Variants in ALG9 observed in about 807,000 individuals in gnomAD.
ALG9 encodes alpha-1,2-mannosyltransferase ALG9.
Under a neutral mutation model 81.8 loss-of-function variants are expected in ALG9, and 55 were observed. That is an observed-to-expected ratio of 0.67 (90% CI 0.54 to 0.84). The LOEUF is 0.84. Among genes scored for constraint, ALG9 ranks in the 40% least tolerant of loss-of-function variants. The probability of loss-of-function intolerance (pLI) is 0.00; values close to 1 mark genes in which losing one functional copy is unlikely to be tolerated. For missense variants in ALG9, 629 were observed against 745.0 expected (o/e 0.84, Z 1.81); for synonymous variants, 278 against 274.3 (o/e 1.01, Z -0.13).
the ALG9 span, among the ~76,000 whole-genome samples, chr11:111,771,999 A>C: frequency 6.6e-6 from 1 of 152,214 alleles, no homozygotes; most frequent in Non-Finnish European, 1.5e-5. Context: ...CAGAACTCAT[A>C]ATCAGGGATT....
chr11:111,864,751 G>C (rs553356011), intron 4 of ALG9, among the ~76,000 whole-genome samples: 75 of 151,872 alleles, frequency 4.9e-4, no homozygotes, highest in Admixed American at 1.0e-3. Context: ...TATATATCAG[G>C]AGCTAGGAGG....
At chr11:111,820,977 T>C (rs1266377658) in intron 13 of ALG9, among the ~76,000 whole-genome samples, 2 of 151,614 alleles carry the variant, frequency 1.3e-5, no homozygotes, top group Admixed American at 6.6e-5. Context: ...GCACCTGTAA[T>C]CCTCATTACT....
At position 111,853,571 on chromosome 11, in the gene ALG9, C is replaced by T. The variant is rs372169119; in HGVS notation, c.789+78G>A. On this transcript the variant is annotated intron_variant, in intron 7 of 14. Coordinates refer to ENST00000616540, the MANE Select transcript of ALG9 (RefSeq NM_024740.2). Reference sequence around the variant, plus strand: ...ACCTGAGAATGAAAAACAGAATAAACTCCTGATGTTCCTTTTTTCACATCA... The same window carrying T: ...ACCTGAGAATGAAAAACAGAATAAATTCCTGATGTTCCTTTTTTCACATCA... 1.7e-5 allele frequency: 27 copies of T among 1,563,372 alleles called. No individual in the cohort carries two copies. In the African/African-American group the frequency reaches 3.4e-4, roughly 20 times the overall value.
At position 111,785,828 on chromosome 11, in the gene ALG9, G is replaced by A; in HGVS notation, c.*569C>T. The A allele has an allele frequency of 2.8e-6, 1 of 353,538 alleles. No individual in the cohort carries two copies. Among genetic ancestry groups the A allele is most frequent in the Non-Finnish European group, 5.5e-6 (1 of 180,254 alleles). The allele number at this position is 353,538 out of a possible 1,614,324, so 21.9% of individuals were successfully genotyped here. A position where few individuals can be genotyped will look rare whatever the true frequency, so the allele number is the denominator to read the frequency against. On this transcript the variant is annotated 3_prime_UTR_variant, in exon 15 of 15. Transcript: ENST00000616540. ...AGCTCCAGGACAGGGTCCTAGTCCT[G>A]TGAAGTGCTTTAAAGAAGCTTAGTC...
chr11:111,816,384 C>T (rs1951476325), intron 13 of ALG9, among the ~76,000 whole-genome samples: 1 of 152,162 alleles, frequency 6.6e-6, no homozygotes, highest in African/African-American at 2.4e-5. Context: ...GTAGTTGGCA[C>T]TACGGGCATG....
intron 14 of ALG9, among the ~76,000 whole-genome samples, chr11:111,787,547 C>T (rs1229389271): frequency 6.6e-6 from 1 of 151,958 alleles, no homozygotes; most frequent in Non-Finnish European, 1.5e-5. Flanking sequence ...AGCTCTGCCT[C>T]CCGGGTTCAC....
chr11:111,841,625 G>A (rs1359161628), intron 9 of ALG9, among the ~76,000 whole-genome samples: 12 of 152,176 alleles, frequency 7.9e-5, no homozygotes, highest in African/African-American at 2.7e-4. Flanking sequence ...CGCAAATGCG[G>A]GCAAATGGTA....
chr11:111,856,375 G>A (rs1420698603), intron 6 of ALG9, among the ~76,000 whole-genome samples: 2 of 150,240 alleles, frequency 1.3e-5, no homozygotes, highest in Admixed American at 6.6e-5. Flanking sequence ...AAGGCAATAA[G>A]TAAATCATGG....
At chr11:111,772,608 G>A in the ALG9 span, among the ~76,000 whole-genome samples, 1 of 152,174 alleles carries the variant, frequency 6.6e-6, no homozygotes, top group African/African-American at 2.4e-5. Context: ...GGGCTGTTGA[G>A]CTTACCTCAT....
At chr11:111,779,418 A>G (rs1945804776), downstream of ALG9, among the ~76,000 whole-genome samples, 1 of 152,162 alleles carries the variant, frequency 6.6e-6, no homozygotes, top group South Asian at 2.1e-4. Flanking sequence ...AACCCTTGTC[A>G]GAGGAAGTTT....
chr11:111,854,020 A>G (rs1592310729), intron 6 of ALG9, among the ~76,000 whole-genome samples: 2 of 150,334 alleles, frequency 1.3e-5, no homozygotes, highest in Admixed American at 1.3e-4. Context: ...TCTTACACCC[A>G]CCCTGCCAAA....
At chr11:111,771,689 A>C in the ALG9 span, among the ~76,000 whole-genome samples, 4 of 152,212 alleles carry the variant, frequency 2.6e-5, no homozygotes, top group African/African-American at 9.6e-5. Flanking sequence ...AGCATTTTCC[A>C]ACTGTCTTCA....
At chr11:111,773,434 G>A in the ALG9 span, among the ~76,000 whole-genome samples, 6 of 151,806 alleles carry the variant, frequency 4.0e-5, no homozygotes, top group African/African-American at 7.3e-5. Context: ...TAGTAGAGAC[G>A]GGGTTTCACC....
At chr11:111,863,390 G>A (rs1289718634) in intron 4 of ALG9, among the ~76,000 whole-genome samples, 1 of 152,082 alleles carries the variant, frequency 6.6e-6, no homozygotes, top group Non-Finnish European at 1.5e-5. Flanking sequence ...TAAATTCTCA[G>A]CTTAGGGCTT....
intron 5 of ALG9, chr11:111,858,062 G>A (rs573092222): frequency 1.5e-4 from 51 of 349,726 alleles, no homozygotes; most frequent in African/African-American, 3.6e-4. Context: ...TGAGCCTACC[G>A]AGTAGCTGGG....
At chr11:111,789,901 A>G (rs987923262) in intron 14 of ALG9, among the ~76,000 whole-genome samples, 1 of 151,946 alleles carries the variant, frequency 6.6e-6, no homozygotes, top group Non-Finnish European at 1.5e-5. Context: ...TTTTCCTGGT[A>G]GGCTGATAGA....
In ALG9 at chr11:111,784,826, C is replaced by T. The variant is rs1946303081; in HGVS notation, c.*1571G>A. The T allele has an allele frequency of 1.3e-5, 2 of 152,018 alleles. No individual in the cohort carries two copies. The highest frequency in any genetic ancestry group is 4.8e-5 in the African/African-American group (2 of 41,384). 9.4% of individuals were successfully genotyped at this position (152,018 alleles called of 1,614,324 possible). On this transcript the variant is annotated 3_prime_UTR_variant, in exon 15 of 15. Transcript: ENST00000616540. Reference sequence around the variant, plus strand: ...GGAAATAAGGCACCTATAATGTGACCCCAGATTGACTACAGGAATAGTACT... The same window carrying T: ...GGAAATAAGGCACCTATAATGTGACTCCAGATTGACTACAGGAATAGTACT...
At chr11:111,771,628 G>A in the ALG9 span, among the ~76,000 whole-genome samples, 2 of 152,194 alleles carry the variant, frequency 1.3e-5, no homozygotes, top group Admixed American at 6.5e-5. Context: ...CCCTGAAAGG[G>A]ACATCAAGGG....
intron 2 of ALG9, among the ~76,000 whole-genome samples, chr11:111,869,670 T>C (rs1963642233): frequency 6.6e-6 from 1 of 152,060 alleles, no homozygotes; most frequent in Non-Finnish European, 1.5e-5. Context: ...AGCAGGTAAA[T>C]CATCCGCTTA....
Sources: gnomAD v4.1 joint callset for allele counts (sites outside exome capture counted in the v4.1 genomes callset) on GRCh38, gnomAD v4.1.1 for gene constraint, MANE v1.5 for transcripts, NCBI Gene and HGNC (gene_info 2026-07-23, HGNC 2026-07-21) for gene names.